The following HLF variants were observed in gnomAD, a reference collection of about 807,000 sequenced individuals.
HLF encodes the protein HLF transcription factor, PAR bZIP family member.
Under a neutral mutation model 22.6 loss-of-function variants are expected in HLF, and 3 were observed. That is an observed-to-expected ratio of 0.13 (90% CI 0.06 to 0.34). HLF has a LOEUF of 0.34. HLF is among the 10% of genes least tolerant of loss of function. HLF has a pLI of 1.00. For synonymous variants in HLF, 151 were observed against 151.8 expected (o/e 0.99, Z 0.04); for missense variants, 299 against 389.2 (o/e 0.77, Z 1.95).
intron 2 of HLF, among the ~76,000 whole-genome samples, chr17:55,297,747 T>TC (rs2081122806): frequency 7.4e-6 from 1 of 135,588 alleles, no homozygotes; most frequent in African/African-American, 2.8e-5. Flanking sequence ...TCTTTTTTTT[T>TC]TTTTTTTTTT....
intron 3 of HLF, among the ~76,000 whole-genome samples, chr17:55,316,472 A>G (rs964532410): frequency 6.6e-6 from 1 of 152,256 alleles, no homozygotes; most frequent in African/African-American, 2.4e-5. Context: ...AAATGCTGGA[A>G]GCAGAAGTAC....
chr17:55,307,846 A>G (rs1481341492), intron 2 of HLF, among the ~76,000 whole-genome samples: 1 of 149,810 alleles, frequency 6.7e-6, no homozygotes, highest in African/African-American at 2.5e-5. Flanking sequence ...AAAAAAAAAA[A>G]CATCAAACAG....
intron 2 of HLF, among the ~76,000 whole-genome samples, chr17:55,286,607 T>C (rs546987747): frequency 6.6e-6 from 1 of 152,318 alleles, no homozygotes; most frequent in South Asian, 2.1e-4. Flanking sequence ...CAAAGATTTA[T>C]TGGAATAATA....
At chr17:55,311,035 C>T (rs1904805401) in intron 2 of HLF, among the ~76,000 whole-genome samples, 1 of 152,092 alleles carries the variant, frequency 6.6e-6, no homozygotes, top group Non-Finnish European at 1.5e-5. Flanking sequence ...GATAGTTGTC[C>T]TCAAATTTAC....
chr17:55,292,577 T>C (rs1199148376), intron 2 of HLF, among the ~76,000 whole-genome samples: 1 of 152,244 alleles, frequency 6.6e-6, no homozygotes, highest in African/African-American at 2.4e-5. Context: ...TGACTTGCTT[T>C]ATTGGATTCT....
chr17:55,322,302 A>G lies in HLF; in HGVS notation c.*1423A>G, dbSNP rs1368442373. The G allele has an allele frequency of 1.0e-5, 2 of 194,334 alleles. No homozygotes were observed. The highest frequency in any genetic ancestry group is 4.6e-5 in the African/African-American group (2 of 43,208). The allele number at this position is 194,334 out of a possible 1,614,324, so 12.0% of individuals were successfully genotyped here. A position where few individuals can be genotyped will look rare whatever the true frequency, so the allele number is the denominator to read the frequency against. ...GATTATTAAATCGTTTAATGTTTATACAGAGTAATTATAGGAAGTTCTTTT... is the reference window on the plus strand; with the variant it reads ...GATTATTAAATCGTTTAATGTTTATGCAGAGTAATTATAGGAAGTTCTTTT... On this transcript the variant is annotated 3_prime_UTR_variant, in exon 4 of 4. Transcript: ENST00000226067.
intron 2 of HLF, among the ~76,000 whole-genome samples, chr17:55,314,270 ACCCT>A (rs1320275146): frequency 6.6e-6 from 1 of 152,202 alleles, no homozygotes; most frequent in Non-Finnish European, 1.5e-5. Flanking sequence ...TGCCTGTAGG[ACCCT>A]CAAGTGGAAG....
intron 2 of HLF, among the ~76,000 whole-genome samples, chr17:55,310,658 G>A (rs974430268): frequency 1.3e-5 from 2 of 152,174 alleles, no homozygotes; most frequent in Non-Finnish European, 1.5e-5. Context: ...TAAAAAGAAA[G>A]TAGGAATTAT....
intron 2 of HLF, among the ~76,000 whole-genome samples, chr17:55,314,155 G>A (rs1290970507): frequency 6.6e-6 from 1 of 152,116 alleles, no homozygotes; most frequent in African/African-American, 2.4e-5. Context: ...AGAGCTCCCA[G>A]TATAAACATT....
chr17:55,275,617 A>G (rs2080898284), intron 2 of HLF, among the ~76,000 whole-genome samples: 1 of 152,228 alleles, frequency 6.6e-6, no homozygotes, highest in South Asian at 2.1e-4. Flanking sequence ...TAAGCATTCC[A>G]GAATAATAAT....
chr17:55,276,002 G>A (rs1220363711), intron 2 of HLF, among the ~76,000 whole-genome samples: 1 of 152,128 alleles, frequency 6.6e-6, no homozygotes, highest in Non-Finnish European at 1.5e-5. Flanking sequence ...TGGCTACTTG[G>A]GAGGCTGAGG....
intron 2 of HLF, among the ~76,000 whole-genome samples, chr17:55,293,703 GGGC>G (rs1403916340): frequency 6.6e-6 from 1 of 152,176 alleles, no homozygotes; most frequent in African/African-American, 2.4e-5. Flanking sequence ...ATAGGTGGCA[GGGC>G]TGGAACATGA....
At chr17:55,282,663 C>G (rs191797007) in intron 2 of HLF, among the ~76,000 whole-genome samples, 1 of 152,256 alleles carries the variant, frequency 6.6e-6, no homozygotes, top group East Asian at 1.9e-4. Context: ...TCTCTCAAAG[C>G]CTAATTTTTC....
In HLF at chr17:55,322,748, ATT is replaced by A. The variant is rs1033314257; in HGVS notation, c.*1870_*1871del. The A allele has an allele frequency of 6.2e-5, 14 of 224,518 alleles. No homozygotes were observed. Among genetic ancestry groups the A allele is most frequent in the South Asian group, 3.7e-4 (2 of 5,408 alleles). 13.9% of individuals were successfully genotyped at this position (224,518 alleles called of 1,614,324 possible). A position where few individuals can be genotyped will look rare whatever the true frequency, so the allele number is the denominator to read the frequency against. Reference sequence around the variant, plus strand: ...CTGCCACAAAAATGTTCACTTCGAAATTCTGAGTTCCTGGAATGGCACGTTGC... The same window carrying A: ...CTGCCACAAAAATGTTCACTTCGAAACTGAGTTCCTGGAATGGCACGTTGC... On this transcript the variant is annotated 3_prime_UTR_variant, in exon 4 of 4. Transcript: ENST00000226067.
chr17:55,266,293 C>T (rs559583438), intron 1 of HLF: 6 of 152,292 alleles, frequency 3.9e-5, no homozygotes, highest in South Asian at 2.1e-4. Context: ...GCAGGAGCCT[C>T]CTCTGGCTTG....
chr17:55,274,601 T>C (rs938389401), intron 2 of HLF, among the ~76,000 whole-genome samples: 1 of 152,210 alleles, frequency 6.6e-6, no homozygotes, highest in Non-Finnish European at 1.5e-5. Context: ...GAGCACAGAA[T>C]TGAATAAACA....
rs142988563 is a variant in HLF, at chr17:55,322,080, T to C, written c.*1201T>C. On this transcript the variant is annotated 3_prime_UTR_variant, in exon 4 of 4. Coordinates refer to ENST00000226067, the MANE Select transcript of HLF (RefSeq NM_002126.5). Reference sequence around the variant, plus strand: ...GCCCTTTTTCCTAGTGGTGTCATTTTTGAATGCCTCATAAATTAATGATTC... The same window carrying C: ...GCCCTTTTTCCTAGTGGTGTCATTTCTGAATGCCTCATAAATTAATGATTC... 91 of 209,972 alleles carry C rather than the reference T, an allele frequency of 4.3e-4. No homozygotes were observed. Among genetic ancestry groups the C allele is most frequent in the African/African-American group, 1.9e-3 (86 of 44,156 alleles). The allele number at this position is 209,972 out of a possible 1,614,324, so 13.0% of individuals were successfully genotyped here.
rs1483359828 is a variant in HLF at position 55,323,818 on chromosome 17, T to C, written c.*2939T>C. The stretch of plus-strand genomic sequence containing the variant: ...GCTATTATGAGAGTCCCTTTGTCAT[T>C]TTTCACCTTTTCATCCTAAGCATCT... On this transcript the variant is annotated 3_prime_UTR_variant, in exon 4 of 4. Coordinates refer to ENST00000226067, the MANE Select transcript of HLF (RefSeq NM_002126.5). 3 of 230,014 alleles carry C rather than the reference T, an allele frequency of 1.3e-5. No homozygotes were observed. Among genetic ancestry groups the C allele is most frequent in the African/African-American group, 4.4e-5 (2 of 45,114 alleles). The allele number at this position is 230,014 out of a possible 1,614,324, so 14.2% of individuals were successfully genotyped here.
chr17:55,307,179 A>T (rs1353315480), intron 2 of HLF, among the ~76,000 whole-genome samples: 11 of 98,696 alleles, frequency 1.1e-4, no homozygotes, highest in Admixed American at 9.4e-4. Context: ...TTTGAGACGG[A>T]GTCTGGTTCT....
Sources: gnomAD v4.1 joint callset for allele counts (sites outside exome capture counted in the v4.1 genomes callset) on GRCh38, gnomAD v4.1.1 for gene constraint, MANE v1.5 for transcripts, NCBI Gene and HGNC (gene_info 2026-07-23, HGNC 2026-07-21) for gene names.